Variants in FGF12 observed in about 807,000 individuals in gnomAD.
The protein encoded by FGF12 is fibroblast growth factor 12B.
In FGF12, 14 loss-of-function variants were observed where a neutral mutation model predicts 23.6. The observed-to-expected ratio is 0.59, with a 90% CI of 0.39 to 0.93. The LOEUF is 0.93. FGF12 is among the 40% of genes least tolerant of loss of function. The pLI is 0.00. For synonymous variants in FGF12, 62 were observed against 77.3 expected, an observed-to-expected ratio of 0.80 and a Z score of 1.04; for missense variants, 175 against 217.8, an observed-to-expected ratio of 0.80 and a Z score of 1.24.
chr3:192,358,660 C>G (rs953762873), intron 3 of FGF12, among the ~76,000 whole-genome samples: 1 of 151,764 alleles, frequency 6.6e-6, no homozygotes, highest in African/African-American at 2.4e-5. Flanking sequence ...AGGATTTGTC[C>G]TAGCTTGACC....
At chr3:192,158,011 T>G (rs1237030240) in intron 5 of FGF12, among the ~76,000 whole-genome samples, 2 of 152,158 alleles carry the variant, frequency 1.3e-5, no homozygotes, top group Non-Finnish European at 2.9e-5. Context: ...GCAGTCAGCT[T>G]TAAAATCCAT....
chr3:192,577,163 C>T (rs1712941621), intron 2 of FGF12, among the ~76,000 whole-genome samples: 1 of 152,054 alleles, frequency 6.6e-6, no homozygotes, highest in Admixed American at 6.5e-5. Flanking sequence ...ATGTAACAAA[C>T]CTGCACATTC....
intron 4 of FGF12, among the ~76,000 whole-genome samples, chr3:192,203,520 C>T (rs1333401104): frequency 6.7e-6 from 1 of 150,284 alleles, no homozygotes; most frequent in Admixed American, 6.6e-5. Flanking sequence ...GCTTAGGTGT[C>T]TCTAATAAAT....
chr3:192,428,697 A>G (rs1721763567), intron 2 of FGF12, among the ~76,000 whole-genome samples: 1 of 152,166 alleles, frequency 6.6e-6, no homozygotes, highest in African/African-American at 2.4e-5. Context: ...TTGAAACAGT[A>G]AAATATGAGA....
chr3:192,534,391 T>C (rs552793867), intron 2 of FGF12, among the ~76,000 whole-genome samples: 5 of 152,080 alleles, frequency 3.3e-5, no homozygotes, highest in Non-Finnish European at 7.4e-5. Flanking sequence ...AGATGTAAGC[T>C]CTTTATTTTT....
At chr3:192,569,418 T>A (rs560584009) in intron 2 of FGF12, among the ~76,000 whole-genome samples, 25 of 152,348 alleles carry the variant, frequency 1.6e-4, no homozygotes, top group African/African-American at 6.0e-4. Flanking sequence ...AACCCTCGTA[T>A]TCCTATGTTT....
chr3:192,504,516 CTCTT>C (rs1171360904), intron 2 of FGF12, among the ~76,000 whole-genome samples: 1 of 152,178 alleles, frequency 6.6e-6, no homozygotes, highest in Non-Finnish European at 1.5e-5. Context: ...ATTCTTCTCA[CTCTT>C]TTCCAGGGAA....
chr3:192,411,396 T>C (rs372473000), intron 2 of FGF12, among the ~76,000 whole-genome samples: 18 of 152,294 alleles, frequency 1.2e-4, no homozygotes, highest in African/African-American at 4.3e-4. Context: ...CAGCTGTCAT[T>C]TGGGAAGCAC....
chr3:192,550,103 G>A (rs1420363013), intron 2 of FGF12, among the ~76,000 whole-genome samples: 1 of 151,040 alleles, frequency 6.6e-6, no homozygotes, highest in African/African-American at 2.4e-5. Context: ...GTGTGAGTGT[G>A]TATATATATA....
At chr3:192,651,163 T>C (rs776111252) in intron 2 of FGF12, among the ~76,000 whole-genome samples, 4 of 152,152 alleles carry the variant, frequency 2.6e-5, no homozygotes, top group Non-Finnish European at 4.4e-5. Context: ...GGTCAATGGG[T>C]TGATAGAAAC....
chr3:192,706,265 TTAAA>T (rs951275464), intron 2 of FGF12, among the ~76,000 whole-genome samples: 11 of 152,182 alleles, frequency 7.2e-5, no homozygotes, highest in African/African-American at 2.4e-4. Flanking sequence ...AATGATATCC[TTAAA>T]TAAATAATAA....
At chr3:192,294,127 T>C (rs939169864) in intron 4 of FGF12, among the ~76,000 whole-genome samples, 7 of 152,194 alleles carry the variant, frequency 4.6e-5, no homozygotes, top group African/African-American at 1.7e-4. Context: ...CTTTGCCTGC[T>C]GCCATCCCTG....
rs1307098849 is a variant in FGF12, at chr3:192,596,753, AT to A, written c.13+130427del. Reference sequence around the variant, plus strand: ...TACTCACAAATTACAGAAAGCATCTATTTTACACACACACAATTATTTACAC... The same window carrying A: ...TACTCACAAATTACAGAAAGCATCTATTTACACACACACAATTATTTACAC... On this transcript the variant is annotated intron_variant, in intron 2 of 5. Coordinates refer to ENST00000445105, the MANE Select transcript of FGF12 (RefSeq NM_004113.6). 3.0e-4 allele frequency among the ~76,000 whole-genome samples: 46 copies of A among 152,220 alleles called. 1 individual carries two copies. Among genetic ancestry groups the A allele is most frequent in the Admixed American group, 3.0e-3 (46 of 15,278 alleles).
Position 192,335,352 on chromosome 3 carries a change from T to G in FGF12, c.228+9A>C. ...ACATACACACAAATACACACTACAA[T>G]GTACTTACTGAACTGTAGAGATAGC... On this transcript the variant is annotated intron_variant, in intron 4 of 5. Coordinates refer to ENST00000445105, the MANE Select transcript of FGF12 (RefSeq NM_004113.6). 6.3e-7 allele frequency: 1 copy of G among 1,575,266 alleles called. No individual in the cohort carries two copies. The highest frequency in any genetic ancestry group is 8.7e-7 in the Non-Finnish European group (1 of 1,145,012).
Position 192,184,622 on chromosome 3 carries a change from C to T in FGF12, c.229-13966G>A, listed in dbSNP as rs183243999. On this transcript the variant is annotated intron_variant, in intron 4 of 5. Coordinates refer to ENST00000445105, the MANE Select transcript of FGF12 (RefSeq NM_004113.6). ...CAATCCAACTCTGAAAATCAATAGC[C>T]GTACTGCTACCTAATGATGCTATCA... 2.0e-5 allele frequency among the ~76,000 whole-genome samples: 3 copies of T among 152,256 alleles called. No individual in the cohort carries two copies. In the South Asian group the frequency reaches 6.2e-4, roughly 32 times the overall value.
Position 192,359,962 on chromosome 3 carries a change from C to T in FGF12, c.124+466G>A, listed in dbSNP as rs566799379. ...ATAAAATAACATATATATATATATA[C>T]ATACACATATATGCATGTACTCAGT... On this transcript the variant is annotated intron_variant, in intron 3 of 5. Coordinates refer to ENST00000445105, the MANE Select transcript of FGF12 (RefSeq NM_004113.6). Among the ~76,000 whole-genome samples, 273 of 149,028 alleles carry T rather than the reference C, an allele frequency of 1.8e-3. 2 individuals are homozygous for T. The highest frequency in any genetic ancestry group is 6.6e-3 in the African/African-American group (265 of 40,030).
chr3:192,503,024 G>A (rs1426541345), intron 2 of FGF12, among the ~76,000 whole-genome samples: 1 of 152,220 alleles, frequency 6.6e-6, no homozygotes, highest in African/African-American at 2.4e-5. Flanking sequence ...GAGGAGAGTG[G>A]CAAAGTTCTT....
At chr3:192,245,748 G>GC (rs1711532769) in intron 4 of FGF12, among the ~76,000 whole-genome samples, 1 of 152,134 alleles carries the variant, frequency 6.6e-6, no homozygotes, top group Non-Finnish European at 1.5e-5. Flanking sequence ...CATAAGAATG[G>GC]CAAGAGGCTA....
At chr3:192,487,524 G>A (rs536341344) in intron 2 of FGF12, among the ~76,000 whole-genome samples, 2 of 152,174 alleles carry the variant, frequency 1.3e-5, no homozygotes, top group East Asian at 3.9e-4. Context: ...GCTTGTTTCT[G>A]AAGACATTCA....
Sources: allele counts gnomAD v4.1 joint callset (sites outside exome capture counted in the v4.1 genomes callset), GRCh38; gene constraint gnomAD v4.1.1; transcripts MANE v1.5; gene names NCBI Gene and HGNC (gene_info 2026-07-23, HGNC 2026-07-21).